EXOC6B: variants seen among roughly 807,000 people sequenced by gnomAD.
The protein encoded by EXOC6B is exocyst complex component 6B.
A neutral mutation model predicts 113.5 loss-of-function variants in EXOC6B; 54 were observed. The observed-to-expected ratio is 0.48, with a 90% CI of 0.38 to 0.60. The LOEUF is 0.60. Among genes scored for constraint, EXOC6B ranks in the 20% least tolerant of loss-of-function variants. The probability of loss-of-function intolerance (pLI) is 0.00; values close to 1 mark genes in which losing one functional copy is unlikely to be tolerated. For missense variants in EXOC6B, 797 were observed against 977.5 expected, an observed-to-expected ratio of 0.82 and a Z score of 2.46; for synonymous variants, 357 against 339.0, an observed-to-expected ratio of 1.05 and a Z score of -0.58.
At chr2:72,222,903 G>A (rs1311676380) in intron 20 of EXOC6B, among the ~76,000 whole-genome samples, 1 of 152,154 alleles carries the variant, frequency 6.6e-6, no homozygotes, top group Non-Finnish European at 1.5e-5. Context: ...TGACGGCTAA[G>A]GCACTGAGGA....
chr2:72,695,780 T>G (rs1677827749), intron 6 of EXOC6B, among the ~76,000 whole-genome samples: 1 of 152,146 alleles, frequency 6.6e-6, no homozygotes, highest in Non-Finnish European at 1.5e-5. Flanking sequence ...AAAAATTATC[T>G]TAGGTGTCAT....
chr2:72,721,390 G>GAAAAAAAAAAAAAA (rs1679996399), intron 5 of EXOC6B, among the ~76,000 whole-genome samples: 2 of 52,036 alleles, frequency 3.8e-5, no homozygotes, highest in African/African-American at 8.6e-5. Context: ...AAAAAAAAAT[G>GAAAAAAAAAAAAAA]AACAAAGAAA....
At chr2:72,703,060 A>C (rs1213475696) in intron 6 of EXOC6B, among the ~76,000 whole-genome samples, 10 of 145,510 alleles carry the variant, frequency 6.9e-5, no homozygotes, top group Non-Finnish European at 1.2e-4. Flanking sequence ...TTTTAGGTCT[A>C]ACGTTTAAGT....
chr2:72,596,478 C>CA (rs979990756), intron 6 of EXOC6B, among the ~76,000 whole-genome samples: 4 of 152,040 alleles, frequency 2.6e-5, no homozygotes, highest in African/African-American at 4.8e-5. Context: ...GGAGAACATC[C>CA]AAAAAAATCC....
At chr2:72,364,127 T>C (rs766867265) in intron 19 of EXOC6B, among the ~76,000 whole-genome samples, 57 of 152,218 alleles carry the variant, frequency 3.7e-4, no homozygotes, top group Non-Finnish European at 6.2e-4. Flanking sequence ...ATCTTGTCAT[T>C]TGGGACTGCT....
chr2:72,564,691 T>C (rs1449466606), intron 7 of EXOC6B, among the ~76,000 whole-genome samples: 1 of 152,162 alleles, frequency 6.6e-6, no homozygotes, highest in East Asian at 1.9e-4. Flanking sequence ...GTAGAATTCA[T>C]TTGGATATGA....
intron 6 of EXOC6B, among the ~76,000 whole-genome samples, chr2:72,675,746 A>G (rs142466023): frequency 7.0e-4 from 107 of 151,898 alleles, no homozygotes; most frequent in African/African-American, 2.6e-3. Flanking sequence ...GTGAGCCAAG[A>G]TCACACCACT....
intron 6 of EXOC6B, among the ~76,000 whole-genome samples, chr2:72,629,089 C>G (rs1573514665): frequency 6.6e-6 from 1 of 152,174 alleles, no homozygotes; most frequent in Non-Finnish European, 1.5e-5. Flanking sequence ...AGGTTAAAAA[C>G]ATCTTTAGTC....
intron 1 of EXOC6B, among the ~76,000 whole-genome samples, chr2:72,763,967 T>C (rs193152340): frequency 7.4e-4 from 112 of 151,928 alleles, no homozygotes; most frequent in African/African-American, 2.6e-3. Flanking sequence ...TAGTACCAGG[T>C]ACTCGGGAGG....
intron 8 of EXOC6B, chr2:72,515,461 A>G: frequency 9.3e-7 from 1 of 1,079,716 alleles, no homozygotes; most frequent in Non-Finnish European, 1.1e-6. Context: ...GATAACAGGT[A>G]AGAAAATGCT....
At chr2:72,410,410 T>C (rs1038975406) in intron 18 of EXOC6B, among the ~76,000 whole-genome samples, 1 of 152,220 alleles carries the variant, frequency 6.6e-6, no homozygotes, top group Non-Finnish European at 1.5e-5. Flanking sequence ...TGAAAACTAC[T>C]ATGTGATTTC....
At chr2:72,232,943 G>T (rs1681722325) in intron 20 of EXOC6B, among the ~76,000 whole-genome samples, 1 of 151,774 alleles carries the variant, frequency 6.6e-6, no homozygotes, top group African/African-American at 2.4e-5. Flanking sequence ...GTGGTTGCGG[G>T]TGCCTGTAAT....
At chr2:72,538,811 T>C (rs1039305161) in intron 8 of EXOC6B, among the ~76,000 whole-genome samples, 1 of 152,184 alleles carries the variant, frequency 6.6e-6, no homozygotes, top group Non-Finnish European at 1.5e-5. Context: ...TATATATAAA[T>C]AGACAAATCA....
intron 1 of EXOC6B, among the ~76,000 whole-genome samples, chr2:72,768,696 T>A (rs1398672171): frequency 6.6e-6 from 1 of 151,910 alleles, no homozygotes; most frequent in East Asian, 1.9e-4. Context: ...AGAAATTTTA[T>A]CATTGTATAA....
rs539406421 is a variant in EXOC6B at position 72,275,871 on chromosome 2, T to G, written c.2196+59076A>C. Among the ~76,000 whole-genome samples, 5 of 152,024 alleles carry G rather than the reference T, an allele frequency of 3.3e-5. No individual in the cohort carries two copies. The South Asian group carries it at 8.3e-4, about 25-fold the overall frequency. On this transcript the variant is annotated intron_variant, in intron 20 of 21. Coordinates refer to ENST00000272427, the MANE Select transcript of EXOC6B (RefSeq NM_015189.3). Reference sequence around the variant, plus strand: ...TACCTGCTTAATTTTTTTTGGGGGGTGGTGGTCTACATGGAGTAAATTTCT... The same window carrying G: ...TACCTGCTTAATTTTTTTTGGGGGGGGGTGGTCTACATGGAGTAAATTTCT...
At chr2:72,560,388 A>G (rs145093868) in intron 7 of EXOC6B, among the ~76,000 whole-genome samples, 15 of 152,300 alleles carry the variant, frequency 9.8e-5, no homozygotes, top group African/African-American at 3.4e-4. Flanking sequence ...GAAACATTCA[A>G]AATAAAGACC....
intron 6 of EXOC6B, among the ~76,000 whole-genome samples, chr2:72,699,349 G>A (rs1678125819): frequency 6.6e-6 from 1 of 152,096 alleles, no homozygotes; most frequent in South Asian, 2.1e-4. Context: ...CATGGTGATG[G>A]GTACCTGTAA....
At chr2:72,700,892 A>C (rs759986765) in intron 6 of EXOC6B, among the ~76,000 whole-genome samples, 5 of 152,136 alleles carry the variant, frequency 3.3e-5, no homozygotes, top group Non-Finnish European at 5.9e-5. Flanking sequence ...CAGAGGTTGC[A>C]GTGAGCCGAG....
intron 16 of EXOC6B, among the ~76,000 whole-genome samples, chr2:72,480,978 T>C (rs654157): frequency 0.16 from 23,779 of 152,104 alleles, 2,573 homozygotes; most frequent in African/African-American, 0.31. Flanking sequence ...AATTGTAATC[T>C]CCATAATCCC....
Sources: allele counts gnomAD v4.1 joint callset (sites outside exome capture counted in the v4.1 genomes callset), GRCh38; gene constraint gnomAD v4.1.1; transcripts MANE v1.5; gene names NCBI Gene and HGNC (gene_info 2026-07-23, HGNC 2026-07-21).